Variants in NRXN3 observed in about 807,000 individuals in gnomAD.
NRXN3 encodes the protein neurexin III.
NRXN3 carries 32 observed loss-of-function variants against 137.6 expected under a neutral mutation model. The observed-to-expected ratio is 0.23, with a 90% CI of 0.18 to 0.31. The LOEUF (loss-of-function observed/expected upper bound fraction) is 0.31, where lower values mean the gene tolerates loss of function less well. Ranked by LOEUF, NRXN3 falls within the 10% of genes least tolerant of loss-of-function variation. The pLI, the probability that NRXN3 is intolerant of heterozygous loss-of-function variation, is 1.00. For synonymous variants in NRXN3, 798 were observed against 784.5 expected, an observed-to-expected ratio of 1.02 and a Z score of -0.29; for missense variants, 1,574 against 2,062.5, an observed-to-expected ratio of 0.76 and a Z score of 4.59.
chr14:79,562,146 C>T (rs1567510153), intron 16 of NRXN3, among the ~76,000 whole-genome samples: 1 of 152,054 alleles, frequency 6.6e-6, no homozygotes, highest in Non-Finnish European at 1.5e-5. Context: ...AATATACCCC[C>T]CATTTCAGAA....
intron 15 of NRXN3, among the ~76,000 whole-genome samples, chr14:79,019,791 G>C (rs142046674): frequency 1.3e-5 from 2 of 152,226 alleles, no homozygotes; most frequent in Non-Finnish European, 2.9e-5. Flanking sequence ...AAGAGAGCAA[G>C]ACCAATGACA....
intron 4 of NRXN3, among the ~76,000 whole-genome samples, chr14:78,410,031 CTTACT>C (rs2092728816): frequency 6.6e-6 from 1 of 152,164 alleles, no homozygotes; most frequent in Non-Finnish European, 1.5e-5. Flanking sequence ...AGCTCCAACC[CTTACT>C]TTACTTAGCT....
intron 3 of NRXN3, among the ~76,000 whole-genome samples, chr14:78,295,493 A>C (rs904109335): frequency 1.3e-5 from 2 of 152,236 alleles, no homozygotes; most frequent in Admixed American, 1.3e-4. Flanking sequence ...TTCCCTTTAC[A>C]AAAGGGTCCA....
intron 4 of NRXN3, among the ~76,000 whole-genome samples, chr14:78,595,295 G>A (rs2097149530): frequency 6.6e-6 from 1 of 152,310 alleles, no homozygotes; most frequent in African/African-American, 2.4e-5. Flanking sequence ...AGGCCACAGG[G>A]TTGAATACCT....
At chr14:79,175,639 A>T (rs1403434282) in intron 15 of NRXN3, among the ~76,000 whole-genome samples, 1 of 152,220 alleles carries the variant, frequency 6.6e-6, no homozygotes, top group Admixed American at 6.5e-5. Context: ...TTCATAGTGT[A>T]TCACACTGCC....
At chr14:79,051,252 A>T (rs1336716539) in intron 15 of NRXN3, among the ~76,000 whole-genome samples, 1 of 152,220 alleles carries the variant, frequency 6.6e-6, no homozygotes, top group Non-Finnish European at 1.5e-5. Context: ...TCAATGATGA[A>T]AACCTATGAG....
intron 4 of NRXN3, among the ~76,000 whole-genome samples, chr14:78,621,527 C>G (rs1457978125): frequency 1.3e-5 from 2 of 152,176 alleles, no homozygotes; most frequent in Non-Finnish European, 2.9e-5. Context: ...GAGTCCCACA[C>G]ACATTTAACA....
intron 20 of NRXN3, among the ~76,000 whole-genome samples, chr14:79,858,963 A>G (rs979455597): frequency 1.4e-5 from 2 of 137,936 alleles, no homozygotes; most frequent in Admixed American, 7.9e-5. Flanking sequence ...TATGAATTAT[A>G]TATGTTCACA....
intron 15 of NRXN3, chr14:79,247,205 C>T (rs1206895749): frequency 6.6e-6 from 1 of 151,964 alleles, no homozygotes; most frequent in Non-Finnish European, 1.5e-5. Context: ...CATTTACCAC[C>T]ACTCCCCACC....
chr14:78,803,849 C>T, intron 9 of NRXN3, 26 bp downstream of exon 9: 1 of 1,594,526 alleles, frequency 6.3e-7, no homozygotes, highest in African/African-American at 1.3e-5. Context: ...CCCTCTGCCA[C>T]TTCGTTTGGG....
chr14:79,853,723 G>T, intron 20 of NRXN3: 1 of 1,159,814 alleles, frequency 8.6e-7, no homozygotes, highest in Non-Finnish European at 1.1e-6. Context: ...TTTATGTGCT[G>T]TCATCCATCT....
chr14:78,283,226 G>A (rs1293639546), intron 3 of NRXN3: 1 of 152,194 alleles, frequency 6.6e-6, no homozygotes, highest in African/African-American at 2.4e-5. Flanking sequence ...GGCACACTCT[G>A]TCTGACATGT....
chr14:79,117,255 A>C (rs1159271545), intron 15 of NRXN3, among the ~76,000 whole-genome samples: 1 of 152,214 alleles, frequency 6.6e-6, no homozygotes, highest in Non-Finnish European at 1.5e-5. Context: ...ACATTTCATA[A>C]AAGATCTCAA....
chr14:79,843,167 C>T (rs1603618892), intron 20 of NRXN3, among the ~76,000 whole-genome samples: 1 of 152,076 alleles, frequency 6.6e-6, no homozygotes, highest in Admixed American at 6.6e-5. Flanking sequence ...GAATATAGGT[C>T]GGGTTTGGTT....
chr14:78,417,440 C>A (rs1052854767), intron 4 of NRXN3, among the ~76,000 whole-genome samples: 11 of 152,322 alleles, frequency 7.2e-5, no homozygotes, highest in African/African-American at 2.4e-4. Context: ...TCAGGCTGTG[C>A]TCATAATTTC....
chr14:78,862,135 A>G (rs557610310), intron 10 of NRXN3, among the ~76,000 whole-genome samples: 1 of 152,218 alleles, frequency 6.6e-6, no homozygotes, highest in Non-Finnish European at 1.5e-5. Context: ...GGTGTGGTAT[A>G]CACATACTAT....
intron 15 of NRXN3, among the ~76,000 whole-genome samples, chr14:79,169,999 T>A (rs558570982): frequency 2.0e-5 from 3 of 152,268 alleles, no homozygotes; most frequent in South Asian, 4.1e-4. Context: ...AGCTGGCGTG[T>A]CTTATCTCTT....
chr14:78,763,251 G>A (rs1308488012), intron 8 of NRXN3, among the ~76,000 whole-genome samples: 1 of 152,164 alleles, frequency 6.6e-6, no homozygotes, highest in African/African-American at 2.4e-5. Context: ...AAGGAAGAAA[G>A]GGATAATGGC....
chr14:78,258,607 A>C (rs556138176), intron 2 of NRXN3, among the ~76,000 whole-genome samples: 1 of 152,322 alleles, frequency 6.6e-6, no homozygotes, highest in Admixed American at 6.5e-5. Context: ...GGAATCCATA[A>C]GATAGACTAT....
Sources: gnomAD v4.1 joint callset for allele counts (sites outside exome capture counted in the v4.1 genomes callset) on GRCh38, gnomAD v4.1.1 for gene constraint, MANE v1.5 for transcripts, NCBI Gene and HGNC (gene_info 2026-07-23, HGNC 2026-07-21) for gene names.